The following EFTUD2 variants were observed in gnomAD, a reference collection of about 807,000 sequenced individuals.
EFTUD2 encodes the protein elongation factor Tu GTP binding domain containing 2.
Under a neutral mutation model 114.3 loss-of-function variants are expected in EFTUD2, and 9 were observed. The observed-to-expected ratio is 0.08, with a 90% confidence interval of 0.05 to 0.14. The LOEUF is 0.14. EFTUD2 is among the 10% of genes least tolerant of loss of function. The pLI, the probability that EFTUD2 is intolerant of heterozygous loss-of-function variation, is 1.00. For missense variants in EFTUD2, 765 were observed against 1,241.2 expected (o/e 0.62, Z 5.76); for synonymous variants, 449 against 462.3 (o/e 0.97, Z 0.37).
rs1406033269 is a variant in EFTUD2, at chr17:44,850,936, CA to C, written c.*337del. ...GAGGTCAGAATGTTCTGTTCACTTG[CA>C]AACCATGGCTAAGGTCAAACTTGTA... On this transcript the variant is annotated 3_prime_UTR_variant, in exon 28 of 28. Transcript: ENST00000426333. 1 of 321,882 alleles carries C rather than the reference CA, an allele frequency of 3.1e-6. No individual in the cohort carries two copies. Among genetic ancestry groups the C allele is most frequent in the Non-Finnish European group, 5.9e-6 (1 of 169,120 alleles). The allele number at this position is 321,882 out of a possible 1,614,324, so 19.9% of individuals were successfully genotyped here. A position where few individuals can be genotyped will look rare whatever the true frequency, so the allele number is the denominator to read the frequency against.
At chr17:44,860,087 G>A (rs1421189145) in intron 17 of EFTUD2, 42 bp from the exon 18 acceptor site, 4 of 1,614,052 alleles carry the variant, frequency 2.5e-6, no homozygotes, top group East Asian at 2.2e-5. Context: ...ACTGGCATGA[G>A]CAGGCACAGA....
At chr17:44,861,413 C>T (rs2050656696) in intron 16 of EFTUD2, among the ~76,000 whole-genome samples, 1 of 142,058 alleles carries the variant, frequency 7.0e-6, no homozygotes, top group Non-Finnish European at 1.5e-5. Context: ...CCATTGCACT[C>T]CAGCCTGGCT....
intron 23 of EFTUD2, 152 bp from the exon 24 acceptor site, chr17:44,853,787 A>G (rs2145435603): frequency 6.8e-7 from 1 of 1,468,402 alleles, no homozygotes; most frequent in South Asian, 1.4e-5. Context: ...TTCTAACTGA[A>G]TAAGCAAGGC....
At chr17:44,883,263 A>G in intron 5 of EFTUD2, 105 bp from the exon 6 acceptor site, 1 of 994,038 alleles carries the variant, frequency 1.0e-6, no homozygotes, top group Non-Finnish European at 1.5e-6. Context: ...AAGGAGAGAA[A>G]AAGGAGAGCA....
At chr17:44,886,863 C>T (rs2051184453) in intron 2 of EFTUD2, 113 bp from the exon 3 acceptor site, 1 of 1,485,044 alleles carries the variant, frequency 6.7e-7, no homozygotes, top group Non-Finnish European at 8.9e-7. Context: ...GCTTCTTATT[C>T]TGAGTTCTAT....
At chr17:44,855,054 G>A (rs1303997895) in intron 20 of EFTUD2, 50 bp from the exon 21 acceptor site, 5 of 1,497,458 alleles carry the variant, frequency 3.3e-6, no homozygotes, top group East Asian at 4.5e-5. Context: ...AACAGCAGAA[G>A]AGGCATTACT....
In EFTUD2 at chr17:44,872,463, A is replaced by C; in HGVS notation, c.977T>G (p.Ile326Ser). 5 of 1,613,208 alleles carry C rather than the reference A, an allele frequency of 3.1e-6. No homozygotes were observed. Among genetic ancestry groups the C allele is most frequent in the Non-Finnish European group, 4.2e-6 (5 of 1,179,416 alleles). The change falls in exon 11 of 28, where the codon ATC (isoleucine) becomes AGC (serine). Residue 326 changes from isoleucine (I) to serine (S), a missense_variant. Coordinates refer to ENST00000426333, the MANE Select transcript of EFTUD2 (RefSeq NM_004247.4). ...ICFTLGSFAK[I>S]YADTFGDINY... ...GCGCTTACCAAAGGTGTCGGCATAG[A>C]TCTTGGCAAAGGAGCCCAGCGTGAA...
chr17:44,886,527 G>T, intron 3 of EFTUD2, 58 bp downstream of exon 3: 1 of 1,597,808 alleles, frequency 6.3e-7, no homozygotes, highest in Non-Finnish European at 8.6e-7. Context: ...TTTGCTGAGA[G>T]CTATGAAGTT....
At chr17:44,878,629 G>A (rs1385101872) in intron 9 of EFTUD2, among the ~76,000 whole-genome samples, 1 of 152,180 alleles carries the variant, frequency 6.6e-6, no homozygotes, top group Non-Finnish European at 1.5e-5. Context: ...AATACATTCT[G>A]AAATATTTTA....
intron 13 of EFTUD2, 197 bp from the exon 14 acceptor site, chr17:44,865,262 C>T: frequency 4.6e-6 from 3 of 648,898 alleles, no homozygotes; most frequent in Non-Finnish European, 7.4e-6. Flanking sequence ...ACAGGCAAAG[C>T]CAACTTGGTT....
At chr17:44,855,735 G>C (rs2050538830) in intron 20 of EFTUD2, among the ~76,000 whole-genome samples, 1 of 151,978 alleles carries the variant, frequency 6.6e-6, no homozygotes, top group South Asian at 2.1e-4. Flanking sequence ...CAGATCATGA[G>C]ATCAGGAGTT....
chr17:44,853,890 T>C (rs1454394866), intron 23 of EFTUD2: 2 of 1,382,458 alleles, frequency 1.4e-6, no homozygotes, highest in Admixed American at 3.0e-5. Flanking sequence ...TATTTCCTTC[T>C]TCTGCACATA....
At chr17:44,883,517 G>T (rs1226278476) in intron 5 of EFTUD2, 132 bp downstream of exon 5, 1 of 853,450 alleles carries the variant, frequency 1.2e-6, no homozygotes. Flanking sequence ...CTTCGTAACA[G>T]GCATGCAGCA....
chr17:44,862,960 C>T, intron 15 of EFTUD2, 54 bp from the exon 16 acceptor site: 1 of 1,450,228 alleles, frequency 6.9e-7, no homozygotes, highest in Non-Finnish European at 9.5e-7. Flanking sequence ...CGGGGAAGTA[C>T]TACTCCCCGC....
At chr17:44,887,804 A>C (rs886393383) in intron 2 of EFTUD2, among the ~76,000 whole-genome samples, 2 of 152,208 alleles carry the variant, frequency 1.3e-5, no homozygotes, top group Non-Finnish European at 2.9e-5. Context: ...TAAATTGTAC[A>C]CTTTACAATT....
chr17:44,882,955 T>A, intron 6 of EFTUD2, 138 bp downstream of exon 6: 1 of 704,316 alleles, frequency 1.4e-6, no homozygotes, highest in Non-Finnish European at 2.3e-6. Context: ...AGCCTATTAA[T>A]AGAGATCACA....
At position 44,893,775 on chromosome 17, in the gene EFTUD2, G is replaced by T. The variant is rs79091022; in HGVS notation, c.105+642C>A. Reference sequence around the variant, plus strand: ...TGTTTTTTAAAAAAAGGTGGGGGGGGGGGTGGGGGGGCAGGCATGGTGGCT... The same window carrying T: ...TGTTTTTTAAAAAAAGGTGGGGGGGTGGGTGGGGGGGCAGGCATGGTGGCT... On this transcript the variant is annotated intron_variant, in intron 2 of 27. Coordinates refer to ENST00000426333, the MANE Select transcript of EFTUD2 (RefSeq NM_004247.4). Among the ~76,000 whole-genome samples the T allele has an allele frequency of 9.4e-5, 12 of 128,324 alleles. No individual in the cohort carries two copies. The South Asian group carries it at 3.0e-3, about 32-fold the overall frequency. 84.2% of individuals were successfully genotyped at this position (128,324 alleles called of 152,430 possible).
intron 1 of EFTUD2, among the ~76,000 whole-genome samples, chr17:44,897,102 G>C (rs780901190): frequency 2.0e-5 from 3 of 151,672 alleles, no homozygotes; most frequent in Non-Finnish European, 4.4e-5. Context: ...CGTAGTCCCA[G>C]CTACTGGGGA....
At chr17:44,893,120 A>ATTTTTTTTTTTTTTTTTTTT (rs71363505) in intron 2 of EFTUD2, among the ~76,000 whole-genome samples, 1 of 140,512 alleles carries the variant, frequency 7.1e-6, no homozygotes. Context: ...CTCAACAGTC[A>ATTTTTTTTTTTTTTTTTTTT]TTTTTTTTTT....
Sources: allele counts gnomAD v4.1 joint callset (sites outside exome capture counted in the v4.1 genomes callset), GRCh38; gene constraint gnomAD v4.1.1; transcripts MANE v1.5; gene names NCBI Gene and HGNC (gene_info 2026-07-23, HGNC 2026-07-21).